Variants in MTUS1 observed in about 807,000 individuals in gnomAD.
The protein encoded by MTUS1 is microtubule associated scaffold protein 1.
MTUS1 carries 109 observed loss-of-function variants against 120.8 expected under a neutral mutation model. The observed-to-expected ratio is 0.90, with a 90% CI of 0.77 to 1.06. MTUS1 has a LOEUF of 1.06. MTUS1 is among the 50% of genes least tolerant of loss of function. MTUS1 has a pLI of 0.00. For missense variants in MTUS1, 2,210 were observed against 1,486.3 expected, an observed-to-expected ratio of 1.49 and a Z score of -8.01; for synonymous variants, 737 against 550.5, an observed-to-expected ratio of 1.34 and a Z score of -4.74.
intron 8 of MTUS1, among the ~76,000 whole-genome samples, chr8:17,669,690 C>T (rs1351739874): frequency 6.6e-6 from 1 of 151,962 alleles, no homozygotes; most frequent in African/African-American, 2.4e-5. Context: ...TACTAAAATA[C>T]AAAAATTAGC....
chr8:17,666,910 C>T (rs1185332101), intron 8 of MTUS1, among the ~76,000 whole-genome samples: 1 of 152,184 alleles, frequency 6.6e-6, no homozygotes, highest in Admixed American at 6.5e-5. Context: ...ACTTCATCCC[C>T]AGCCAACCAA....
At chr8:17,725,622 C>T (rs1233414898) in intron 3 of MTUS1, among the ~76,000 whole-genome samples, 2 of 152,176 alleles carry the variant, frequency 1.3e-5, no homozygotes, top group African/African-American at 2.4e-5. Flanking sequence ...TCCCTTCCAA[C>T]TCCATCATGT....
intron 10 of MTUS1, chr8:17,653,966 C>T (rs1482200070): frequency 1.3e-5 from 2 of 157,822 alleles, no homozygotes; most frequent in African/African-American, 2.4e-5. Flanking sequence ...ATCACCTCTG[C>T]CTGACTTTGG....
intron 6 of MTUS1, chr8:17,697,118 A>T: frequency 9.2e-7 from 1 of 1,088,192 alleles, no homozygotes; most frequent in Non-Finnish European, 1.3e-6. Context: ...AACAATTTTT[A>T]AATTAAGCCT....
chr8:17,796,828 T>A (rs1156483213), intron 1 of MTUS1, among the ~76,000 whole-genome samples: 1 of 152,190 alleles, frequency 6.6e-6, no homozygotes, highest in African/African-American at 2.4e-5. Context: ...AGGCCGGACT[T>A]TTAGGCCAGA....
At chr8:17,660,869 T>G (rs1196486093) in intron 8 of MTUS1, among the ~76,000 whole-genome samples, 1 of 152,200 alleles carries the variant, frequency 6.6e-6, no homozygotes, top group African/African-American at 2.4e-5. Context: ...ACGGTGAGCC[T>G]TGGTGATTAA....
intron 1 of MTUS1, among the ~76,000 whole-genome samples, chr8:17,789,550 A>G (rs147997409): frequency 6.6e-6 from 1 of 152,320 alleles, no homozygotes; most frequent in African/African-American, 2.4e-5. Flanking sequence ...TGAAAAGGAA[A>G]TAATTTTCCA....
chr8:17,685,581 T>C (rs1815611487), intron 6 of MTUS1, among the ~76,000 whole-genome samples: 1 of 152,154 alleles, frequency 6.6e-6, no homozygotes, highest in African/African-American at 2.4e-5. Context: ...GTAATTACTG[T>C]CTCTAATTTT....
At chr8:17,702,625 A>T (rs547219735) in intron 6 of MTUS1, among the ~76,000 whole-genome samples, 9 of 152,344 alleles carry the variant, frequency 5.9e-5, no homozygotes, top group African/African-American at 1.9e-4. Flanking sequence ...GGAATCATAC[A>T]GTATTTGCCC....
At chr8:17,801,465 G>A (rs1047913410), upstream of MTUS1, 10 of 151,854 alleles carry the variant, frequency 6.6e-5, no homozygotes, top group Non-Finnish European at 1.0e-4. Context: ...CCGTACCTCG[G>A]GGCGCTGGAC....
chr8:17,756,674 C>CCCCCCG (rs541307072), intron 1 of MTUS1, among the ~76,000 whole-genome samples: 3 of 53,290 alleles, frequency 5.6e-5, no homozygotes, highest in Non-Finnish European at 9.6e-5. Context: ...AGCCCAAACC[C>CCCCCCG]CCACCCCTTA....
chr8:17,749,164 A>T (rs112298975), intron 2 of MTUS1, among the ~76,000 whole-genome samples: 6,202 of 152,226 alleles, frequency 0.041, 171 homozygotes, highest in African/African-American at 0.082. Flanking sequence ...ACCAGCATTA[A>T]CATCAACAAA....
chr8:17,767,587 A>G (rs1398978987), intron 1 of MTUS1, among the ~76,000 whole-genome samples: 3 of 150,632 alleles, frequency 2.0e-5, no homozygotes, highest in Admixed American at 1.3e-4. Flanking sequence ...GGTCCCAGCT[A>G]CTCTGAAGGC....
In MTUS1 at chr8:17,645,973, G is replaced by A; in HGVS notation, c.3766C>T (p.Pro1256Ser). The change falls in exon 15 of 15, where the codon CCA becomes TCA. Residue 1256 changes from proline (P) to serine (S), a missense_variant. Physicochemically the swap from Pro to Ser is moderately conservative, Grantham distance 74. Transcript: ENST00000693296. The stretch of plus-strand genomic sequence containing the variant: ...CTAGGGAAGGAGCCCGAATTCCTTG[G>A]TGACTGCAAAGGGATGGCGGAGGAT... ...PTSSAIPLQS[P>S]RNSGSFPSPS... 2 of 1,613,398 alleles carry A rather than the reference G, an allele frequency of 1.2e-6. No homozygotes were observed. The highest frequency in any genetic ancestry group is 1.1e-5 in the South Asian group (1 of 90,966).
chr8:17,674,850 T>A, intron 8 of MTUS1: 1 of 1,115,462 alleles, frequency 9.0e-7, no homozygotes, highest in African/African-American at 1.6e-5. Context: ...TATTCTCATA[T>A]GAAAAGTGCT....
chr8:17,771,577 CTAAA>C (rs1267026374), intron 1 of MTUS1, among the ~76,000 whole-genome samples: 10 of 152,136 alleles, frequency 6.6e-5, no homozygotes, highest in African/African-American at 1.7e-4. Flanking sequence ...AGTGTAGTCC[CTAAA>C]TAAATGTCTT....
At chr8:17,748,793 G>C (rs966634453) in intron 2 of MTUS1, among the ~76,000 whole-genome samples, 1 of 152,200 alleles carries the variant, frequency 6.6e-6, no homozygotes, top group African/African-American at 2.4e-5. Flanking sequence ...TCCTGCAACA[G>C]TATTACCCAC....
At chr8:17,794,511 G>C (rs549400912) in intron 1 of MTUS1, among the ~76,000 whole-genome samples, 1 of 152,158 alleles carries the variant, frequency 6.6e-6, no homozygotes, top group South Asian at 2.1e-4. Context: ...ATTTTTCTTG[G>C]TAGCTAGGTC....
chr8:17,762,359 A>G (rs2049111768), intron 1 of MTUS1, among the ~76,000 whole-genome samples: 1 of 152,218 alleles, frequency 6.6e-6, no homozygotes, highest in African/African-American at 2.4e-5. Context: ...AAATATATTC[A>G]TAAGACTCCA....
Sources: gnomAD v4.1 joint callset for allele counts (sites outside exome capture counted in the v4.1 genomes callset) on GRCh38, gnomAD v4.1.1 for gene constraint, MANE v1.5 for transcripts, NCBI Gene and HGNC (gene_info 2026-07-23, HGNC 2026-07-21) for gene names.